MATR3: variants seen among roughly 807,000 people sequenced by gnomAD.
MATR3 encodes matrin-3.
MATR3 carries 4 observed loss-of-function variants against 85.5 expected under a neutral mutation model. That is an observed-to-expected ratio of 0.05 (90% CI 0.02 to 0.11). The LOEUF (loss-of-function observed/expected upper bound fraction) is 0.11. MATR3 is among the 10% of genes least tolerant of loss of function. MATR3 has a pLI of 1.00. For missense variants in MATR3, 685 were observed against 1,016.1 expected (o/e 0.67, Z 4.43); for synonymous variants, 336 against 343.1 (o/e 0.98, Z 0.23).
rs1456767545 is a variant in MATR3, at chr5:139,329,383, G to T, written c.2532G>T (p.Lys844Asn). The T allele has an allele frequency of 1.9e-6, 3 of 1,611,872 alleles. No individual in the cohort carries two copies. Among genetic ancestry groups the T allele is most frequent in the Non-Finnish European group, 2.5e-6 (3 of 1,178,414 alleles). ...LNKLAEERRQ[K>N]KET ...AATTGGCAGAAGAACGCAGACAGAAGAAGGAAACTTAAGATGTGCAAGGAG... is the reference window on the plus strand; with the variant it reads ...AATTGGCAGAAGAACGCAGACAGAATAAGGAAACTTAAGATGTGCAAGGAG... Residue 844 changes from lysine (K) to asparagine (N), a missense_variant, in exon 15 of 15, where the codon AAG becomes AAT. This residue lies in a region of MATR3 where 45 missense variants were observed against 82.5 expected (regional missense o/e 0.55). Transcript: ENST00000394805.
At chr5:139,293,590 G>A, upstream of MATR3, 1 of 181,696 alleles carries the variant, frequency 5.5e-6, no homozygotes. Context: ...GTGCACGAGC[G>A]AGGTGCGCGC....
chr5:139,296,091 A>G (rs547938166), intron 1 of MATR3, among the ~76,000 whole-genome samples: 1 of 152,328 alleles, frequency 6.6e-6, no homozygotes, highest in South Asian at 2.1e-4. Context: ...TCATAGTATA[A>G]TAGGCTTAAA....
intron 7 of MATR3, among the ~76,000 whole-genome samples, chr5:139,318,229 G>C (rs543161575): frequency 1.3e-5 from 2 of 152,038 alleles, no homozygotes; most frequent in African/African-American, 4.8e-5. Context: ...CGCCTCCTGT[G>C]TTCAAGCGAT....
chr5:139,274,612 A>G (rs1753199573), intron 1 of MATR3, among the ~76,000 whole-genome samples: 1 of 152,170 alleles, frequency 6.6e-6, no homozygotes, highest in Non-Finnish European at 1.5e-5. Flanking sequence ...TGGCTGGAAA[A>G]AGGTATGATC....
intron 7 of MATR3, among the ~76,000 whole-genome samples, chr5:139,318,179 G>T (rs953201206): frequency 6.6e-6 from 1 of 152,166 alleles, no homozygotes; most frequent in African/African-American, 2.4e-5. Flanking sequence ...TGTCACCCAG[G>T]CTGGAGTGCA....
Position 139,308,316 on chromosome 5 carries a change from C to G in MATR3, c.901C>G (p.His301Asp). ...GTGCTCTATATGTGATTTGCCAGTTCATTCTAATAAGGTGAGTTAACTCAA... is the reference window on the plus strand; with the variant it reads ...GTGCTCTATATGTGATTTGCCAGTTGATTCTAATAAGGTGAGTTAACTCAA... ...HLCSICDLPV[H>D]SNKEWSQHIN... Residue 301 changes from histidine (H) to aspartate (D), a missense_variant, in exon 2 of 15, where the codon CAT (histidine) becomes GAT (aspartate). His to Asp is a moderately conservative substitution (Grantham distance 81, BLOSUM62 -1). Coordinates refer to ENST00000394805, the MANE Select transcript of MATR3 (RefSeq NM_018834.6). 1 of 1,614,060 alleles carries G rather than the reference C, an allele frequency of 6.2e-7. No individual in the cohort carries two copies. The highest frequency in any genetic ancestry group is 8.5e-7 in the Non-Finnish European group (1 of 1,179,970).
upstream of MATR3, among the ~76,000 whole-genome samples, chr5:139,290,436 CTCT>C (rs1255039962): frequency 3.9e-5 from 2 of 50,966 alleles, no homozygotes; most frequent in Non-Finnish European, 6.2e-5. Flanking sequence ...CGCCTGGCCG[CTCT>C]TTTTTTTTTT....
chr5:139,296,628 CAG>C (rs1374384990), intron 1 of MATR3, among the ~76,000 whole-genome samples: 2 of 152,136 alleles, frequency 1.3e-5, no homozygotes, highest in Non-Finnish European at 2.9e-5. Flanking sequence ...TGAGAAGTGA[CAG>C]AAAGTAGTGC....
chr5:139,307,637 T>C lies in MATR3; in HGVS notation c.222T>C (p.Ser74=). The change falls in exon 2 of 15, where the codon TCT becomes TCC. Residue 74 remains serine (S), a synonymous_variant. Transcript: ENST00000394805. This position sits in a 1 kb window ranked among gnomAD's most constrained non-coding sequence, Gnocchi z 4.4. ...LNQQGAHSAL[S]SASTSSHNLQ... ...AACAAGGAGCTCATAGTGCACTGTC[T>C]TCTGCTAGTACTTCTTCCCATAATT... 6.2e-7 allele frequency: 1 copy of C among 1,614,224 alleles called. No individual in the cohort carries two copies. Among genetic ancestry groups the C allele is most frequent in the Non-Finnish European group, 8.5e-7 (1 of 1,180,040 alleles).
At chr5:139,326,090 T>C in intron 13 of MATR3, 73 bp from the exon 14 acceptor site, 1 of 1,267,300 alleles carries the variant, frequency 7.9e-7, no homozygotes, top group Non-Finnish European at 1.1e-6. Context: ...TTAAATTATG[T>C]TGACAGGTGA....
intron 9 of MATR3, among the ~76,000 whole-genome samples, chr5:139,321,264 G>GT (rs1755552493): frequency 1.3e-5 from 2 of 151,942 alleles, no homozygotes; most frequent in Non-Finnish European, 2.9e-5. Flanking sequence ...GTTCTCCTAT[G>GT]TCAGCCTTCC....
At position 139,330,330 on chromosome 5, in the gene MATR3, T is replaced by C; in HGVS notation, c.*935T>C. 1 of 454,152 alleles carries C rather than the reference T, an allele frequency of 2.2e-6. No individual in the cohort carries two copies. Among genetic ancestry groups the C allele is most frequent in the Non-Finnish European group, 4.4e-6 (1 of 226,660 alleles). 28.1% of individuals were successfully genotyped at this position (454,152 alleles called of 1,614,324 possible). On this transcript the variant is annotated 3_prime_UTR_variant, in exon 15 of 15. Coordinates refer to ENST00000394805, the MANE Select transcript of MATR3 (RefSeq NM_018834.6). The stretch of plus-strand genomic sequence containing the variant: ...GTATAATTTGTGTTTACTTGTAACT[T>C]TCTGGTTATATACTGCTTATATCTG...
intron 3 of MATR3, 126 bp from the exon 4 acceptor site, chr5:139,315,569 CTA>C: frequency 1.5e-6 from 1 of 646,028 alleles, no homozygotes; most frequent in South Asian, 1.9e-5. Context: ...TGCTTTAAAA[CTA>C]TGTTTCTAAC....
At chr5:139,322,120 A>C in intron 10 of MATR3, 91 bp downstream of exon 10, 1 of 1,409,916 alleles carries the variant, frequency 7.1e-7, no homozygotes, top group Non-Finnish European at 1.0e-6. Context: ...TATGCTAAAA[A>C]TACAGGATTA....
Position 139,325,592 on chromosome 5 carries a change from T to A in MATR3, c.2301T>A (p.Asp767Glu), listed in dbSNP as rs748749843. 11 of 1,614,076 alleles carry A rather than the reference T, an allele frequency of 6.8e-6. No individual in the cohort carries two copies. The highest frequency in any genetic ancestry group is 1.3e-5 in the African/African-American group (1 of 74,922). ...DTSENADGQSDENKDDYTIPD... is the reference protein window; with the variant it reads ...DTSENADGQSEENKDDYTIPD... Reference sequence around the variant, plus strand: ...GTGAAAACGCAGATGGTCAAAGTGATGAGAACAAGGACGACTATACAATCC... The same window carrying A: ...GTGAAAACGCAGATGGTCAAAGTGAAGAGAACAAGGACGACTATACAATCC... The change falls in exon 13 of 15, where the codon GAT (aspartate) becomes GAA (glutamate). Residue 767 changes from aspartate (D) to glutamate (E), a missense_variant. Coordinates refer to ENST00000394805, the MANE Select transcript of MATR3 (RefSeq NM_018834.6).
Position 139,314,708 on chromosome 5 carries a change from A to G in MATR3, c.946A>G (p.Ser316Gly), listed in dbSNP as rs1214824686. Residue 316 changes from serine (S) to glycine (G), a missense_variant, in exon 3 of 15, where the codon AGT (serine) becomes GGT (glycine). Around this residue, in one of 9 missense-constraint regions of MATR3, gnomAD observed 223 missense variants for 334.4 expected, o/e 0.67. Transcript: ENST00000394805. ...TCAACATATCAATGGAGCAAGTCAC[A>G]GTCGTCGATGCCAGCTTCTTCTTGA... ...WSQHINGASH[S>G]RRCQLLLEIY... 3.1e-6 allele frequency: 5 copies of G among 1,613,888 alleles called. No homozygotes were observed. The highest frequency in any genetic ancestry group is 4.2e-6 in the Non-Finnish European group (5 of 1,179,844).
At chr5:139,288,741 C>T (rs1450870770), upstream of MATR3, among the ~76,000 whole-genome samples, 5 of 152,138 alleles carry the variant, frequency 3.3e-5, no homozygotes, top group Admixed American at 6.5e-5. Flanking sequence ...CCTGGGTTCA[C>T]GCCATTCTCC....
chr5:139,285,354 C>T (rs1753669574), intron 3 of MATR3: 5 of 152,122 alleles, frequency 3.3e-5, no homozygotes. Flanking sequence ...AAAAAATATT[C>T]CTCTGGAAAG....
intron 14 of MATR3, 85 bp from the exon 15 acceptor site, chr5:139,329,260 A>T: frequency 1.1e-6 from 1 of 934,626 alleles, no homozygotes; most frequent in South Asian, 1.3e-5. Flanking sequence ...CTAAACTTGG[A>T]TATAGGATAT....
Sources: allele counts gnomAD v4.1 joint callset (sites outside exome capture counted in the v4.1 genomes callset), GRCh38; gene constraint gnomAD v4.1.1; regional missense constraint gnomAD v4.1.1; non-coding constraint Gnocchi (gnomAD v3.1); transcripts MANE v1.5; gene names NCBI Gene and HGNC (gene_info 2026-07-23, HGNC 2026-07-21).